RC3H2: variants seen among roughly 807,000 people sequenced by gnomAD.
RC3H2 encodes ring finger and CCCH-type domains 2, also known as roquin-2.
RC3H2 carries 31 observed loss-of-function variants against 133.3 expected under a neutral mutation model. The ratio of observed to expected loss-of-function variants is 0.23; its 90% CI spans 0.17 to 0.31. The LOEUF (loss-of-function observed/expected upper bound fraction) is 0.31, where lower values mean the gene tolerates loss of function less well. RC3H2 is among the 10% of genes least tolerant of loss of function. The probability of loss-of-function intolerance (pLI) is 1.00; values close to 1 mark genes in which losing one functional copy is unlikely to be tolerated. For synonymous variants in RC3H2, 517 were observed against 502.2 expected (o/e 1.03, Z -0.40); for missense variants, 1,175 against 1,437.2 (o/e 0.82, Z 2.95).
At chr9:122,884,752 C>T (rs2131471071) in intron 4 of RC3H2, among the ~76,000 whole-genome samples, 2 of 151,628 alleles carry the variant, frequency 1.3e-5, no homozygotes, top group East Asian at 3.9e-4. Flanking sequence ...ACTCAGAAGG[C>T]TGAGGCAGGA....
At chr9:122,861,078 T>C (rs1336861899) in intron 10 of RC3H2, among the ~76,000 whole-genome samples, 1 of 152,168 alleles carries the variant, frequency 6.6e-6, no homozygotes, top group Admixed American at 6.5e-5. Context: ...ACTCATTAAA[T>C]TGAGGCAAAA....
At chr9:122,881,538 C>T (rs1375036484) in intron 5 of RC3H2, among the ~76,000 whole-genome samples, 1 of 148,334 alleles carries the variant, frequency 6.7e-6, no homozygotes, top group African/African-American at 2.5e-5. Context: ...GAAACAGAAA[C>T]ATGAAAAAGC....
chr9:122,905,019 C>G, intron 1 of RC3H2, 91 bp downstream of exon 1: 1 of 892,658 alleles, frequency 1.1e-6, no homozygotes. Context: ...AGCGCACAGG[C>G]CCCAGGGCTG....
At chr9:122,899,659 A>G (rs752621317) in intron 1 of RC3H2, among the ~76,000 whole-genome samples, 7 of 152,226 alleles carry the variant, frequency 4.6e-5, no homozygotes, top group Non-Finnish European at 8.8e-5. Flanking sequence ...GCAGATGAAT[A>G]TATCACTCCC....
At chr9:122,902,614 G>A (rs1832699077) in intron 1 of RC3H2, among the ~76,000 whole-genome samples, 1 of 152,112 alleles carries the variant, frequency 6.6e-6, no homozygotes, top group Admixed American at 6.5e-5. Context: ...GGAGGCGGAG[G>A]CGGGAGGTGG....
At position 122,892,927 on chromosome 9, in the gene RC3H2, G is replaced by T; in HGVS notation, c.331C>A (p.Pro111Thr). ...AACTTACCTTTACCTCCACTTAGTGGTTTTAAGTAGAGTGCCAAATCCTCA... is the reference window on the plus strand; with the variant it reads ...AACTTACCTTTACCTCCACTTAGTGTTTTTAAGTAGAGTGCCAAATCCTCA... ...CVEDLALYLKPLSGGKGVASL... is the reference protein window; with the variant it reads ...CVEDLALYLKTLSGGKGVASL... Residue 111 changes from proline (P) to threonine (T), a missense_variant, in exon 3 of 21, where the codon CCA (proline) becomes ACA (threonine). Transcript: ENST00000357244. The T allele has an allele frequency of 6.2e-7, 1 of 1,612,614 alleles. No individual in the cohort carries two copies. The highest frequency in any genetic ancestry group is 8.5e-7 in the Non-Finnish European group (1 of 1,179,342).
intron 9 of RC3H2, chr9:122,875,118 G>A (rs1355636276): frequency 7.0e-7 from 1 of 1,430,314 alleles, no homozygotes; most frequent in Non-Finnish European, 9.2e-7. Flanking sequence ...GTGAAATTCT[G>A]TATATAGAAC....
chr9:122,858,302 T>C (rs1021292838), intron 12 of RC3H2, among the ~76,000 whole-genome samples: 2 of 152,258 alleles, frequency 1.3e-5, no homozygotes, highest in Admixed American at 6.5e-5. Context: ...CACTCACTTT[T>C]CTTGCTTAGG....
At chr9:122,898,309 G>A (rs765586981) in intron 1 of RC3H2, among the ~76,000 whole-genome samples, 5 of 152,060 alleles carry the variant, frequency 3.3e-5, no homozygotes, top group Non-Finnish European at 4.4e-5. Flanking sequence ...ATTATTTAGC[G>A]ATTGATATAT....
intron 1 of RC3H2, among the ~76,000 whole-genome samples, chr9:122,901,974 G>A (rs1351098871): frequency 6.9e-6 from 1 of 145,390 alleles, no homozygotes; most frequent in Non-Finnish European, 1.5e-5. Context: ...TTGTTGCCCA[G>A]GCTGTAGTGC....
At chr9:122,901,566 G>A (rs927438653) in intron 1 of RC3H2, among the ~76,000 whole-genome samples, 14 of 149,710 alleles carry the variant, frequency 9.4e-5, no homozygotes, top group Admixed American at 6.7e-4. Context: ...ATAAATATTA[G>A]ATATAACTTC....
In RC3H2 at chr9:122,883,192, C is replaced by T. The variant is rs17220841; in HGVS notation, c.759+12G>A. 30,961 of 1,608,140 alleles carry T rather than the reference C, an allele frequency of 0.019. 498 individuals carry two copies. The highest frequency in any genetic ancestry group is 0.062 in the South Asian group (5,567 of 89,804). ...AAACAGGCATGTCTTTACATAGATA[C>T]TTACTGCTTACCTTAAAACAAGAAG... On this transcript the variant is annotated intron_variant, in intron 5 of 20. Coordinates refer to ENST00000357244, the MANE Select transcript of RC3H2 (RefSeq NM_001100588.3).
intron 2 of RC3H2, among the ~76,000 whole-genome samples, chr9:122,893,418 C>A (rs1305205920): frequency 6.6e-6 from 1 of 152,096 alleles, no homozygotes; most frequent in Non-Finnish European, 1.5e-5. Context: ...CTCTTGAACC[C>A]GGGAGGCTGA....
intron 1 of RC3H2, among the ~76,000 whole-genome samples, chr9:122,902,485 T>C (rs2131514960): frequency 6.6e-6 from 1 of 152,298 alleles, no homozygotes; most frequent in African/African-American, 2.4e-5. Context: ...AACAGTAATA[T>C]CCGATAGAAA....
intron 1 of RC3H2, among the ~76,000 whole-genome samples, chr9:122,904,138 G>C (rs1832752446): frequency 6.6e-6 from 1 of 152,054 alleles, no homozygotes; most frequent in Non-Finnish European, 1.5e-5. Context: ...ACTTTATTTG[G>C]GATACAAACT....
chr9:122,885,723 G>A (rs1025256743), intron 4 of RC3H2, among the ~76,000 whole-genome samples: 1 of 152,084 alleles, frequency 6.6e-6, no homozygotes, highest in Non-Finnish European at 1.5e-5. Flanking sequence ...TTCACAATGT[G>A]TACAACCATC....
chr9:122,899,090 G>GTTTTT (rs1183512993), intron 1 of RC3H2, among the ~76,000 whole-genome samples: 7 of 88,410 alleles, frequency 7.9e-5, no homozygotes, highest in African/African-American at 2.9e-4. Context: ...CCTTTATTGT[G>GTTTTT]TTTTTTTTTT....
chr9:122,864,828 G>A (rs1564291645), intron 10 of RC3H2, among the ~76,000 whole-genome samples: 2 of 151,980 alleles, frequency 1.3e-5, no homozygotes. Context: ...GTTTCACCAT[G>A]TCAGCCAGGA....
intron 9 of RC3H2, among the ~76,000 whole-genome samples, chr9:122,866,062 A>G (rs988913965): frequency 2.0e-5 from 3 of 152,220 alleles, no homozygotes; most frequent in Admixed American, 1.3e-4. Flanking sequence ...AACACAGAGT[A>G]AAGAGAAAAG....
Sources: allele counts gnomAD v4.1 joint callset (sites outside exome capture counted in the v4.1 genomes callset), GRCh38; gene constraint gnomAD v4.1.1; transcripts MANE v1.5; gene names NCBI Gene and HGNC (gene_info 2026-07-23, HGNC 2026-07-21).